The following PCDH10 variants were observed in gnomAD, a reference collection of about 807,000 sequenced individuals.
PCDH10 encodes protocadherin-10.
In PCDH10, 15 loss-of-function variants were observed where a neutral mutation model predicts 74.4. The ratio of observed to expected loss-of-function variants is 0.20; its 90% CI spans 0.13 to 0.31. The LOEUF is 0.31. PCDH10 is among the 10% of genes least tolerant of loss of function. PCDH10 has a pLI of 1.00. For synonymous variants in PCDH10, 619 were observed against 589.8 expected, an observed-to-expected ratio of 1.05 and a Z score of -0.72; for missense variants, 1,260 against 1,390.2, an observed-to-expected ratio of 0.91 and a Z score of 1.49.
rs1177769581 is a variant in PCDH10 at position 133,163,137 on chromosome 4, G to A, written c.2958G>A (p.Val986=). The A allele has an allele frequency of 2.5e-6, 4 of 1,614,038 alleles. No homozygotes were observed. The highest frequency in any genetic ancestry group is 1.3e-5 in the African/African-American group (1 of 74,914). ...TGGACTCTGTTCCAGACACTGAGGT[G>A]TTTGAAACTCCAGAAGCCCAGCCTG... ...PGMDSVPDTE[V]FETPEAQPGA... is the part of the protein sequence containing the mutation. The change falls in exon 4 of 5, where the codon GTG becomes GTA. Residue 986 remains valine (V), a synonymous_variant. Transcript: ENST00000264360.
chr4:133,176,940 T>C (rs1434817072), intron 4 of PCDH10, among the ~76,000 whole-genome samples: 2 of 152,072 alleles, frequency 1.3e-5, no homozygotes, highest in African/African-American at 4.8e-5. Flanking sequence ...TATTTGATAA[T>C]TGTAGAAAAA....
intron 1 of PCDH10, chr4:133,153,354 A>G: frequency 1.5e-6 from 1 of 665,184 alleles, no homozygotes; most frequent in Middle Eastern, 7.7e-4. Flanking sequence ...TCTGGACAGC[A>G]TTTACAGACG....
In PCDH10 at chr4:133,190,361, C is replaced by T; in HGVS notation, c.*201C>T. The T allele has an allele frequency of 1.6e-6, 1 of 606,358 alleles. No homozygotes were observed. Among genetic ancestry groups the T allele is most frequent in the Non-Finnish European group, 3.0e-6 (1 of 332,936 alleles). 37.6% of individuals were successfully genotyped at this position (606,358 alleles called of 1,614,324 possible). A position where few individuals can be genotyped will look rare whatever the true frequency, so the allele number is the denominator to read the frequency against. Reference sequence around the variant, plus strand: ...GAGAAATGAGTTGAAATGTGCAGAACTGTAGAAACTTTAGAGGCAACAGAT... The same window carrying T: ...GAGAAATGAGTTGAAATGTGCAGAATTGTAGAAACTTTAGAGGCAACAGAT... On this transcript the variant is annotated 3_prime_UTR_variant, in exon 5 of 5. Coordinates refer to ENST00000264360, the MANE Select transcript of PCDH10 (RefSeq NM_032961.3).
intron 4 of PCDH10, among the ~76,000 whole-genome samples, chr4:133,180,577 T>G (rs1727395971): frequency 6.6e-6 from 1 of 152,024 alleles, no homozygotes; most frequent in South Asian, 2.1e-4. Flanking sequence ...TTGTGATAGT[T>G]TAATGATAAA....
chr4:133,161,949 G>A (rs1309036166), intron 3 of PCDH10, among the ~76,000 whole-genome samples: 1 of 152,088 alleles, frequency 6.6e-6, no homozygotes, highest in Non-Finnish European at 1.5e-5. Flanking sequence ...TTTCTGTGTA[G>A]TGCTATATAT....
At chr4:133,168,272 A>G (rs1377774934) in intron 4 of PCDH10, among the ~76,000 whole-genome samples, 2 of 151,364 alleles carry the variant, frequency 1.3e-5, no homozygotes, top group Non-Finnish European at 3.0e-5. Context: ...TTATATATAA[A>G]TATCTGGTCA....
intron 2 of PCDH10, among the ~76,000 whole-genome samples, chr4:133,202,994 T>C (rs1281850294): frequency 6.6e-6 from 1 of 152,148 alleles, no homozygotes; most frequent in Non-Finnish European, 1.5e-5. Flanking sequence ...TGCCAGTCTG[T>C]TGAAGGAAAT....
At chr4:133,152,854 C>A (rs748677882) in intron 1 of PCDH10, 83 bp downstream of exon 1, 6 of 1,570,712 alleles carry the variant, frequency 3.8e-6, no homozygotes, top group Non-Finnish European at 5.2e-6. Flanking sequence ...ATCTCTGGTG[C>A]ACTGTATCTA....
chr4:133,151,127 A>G lies in PCDH10; in HGVS notation c.987A>G (p.Gln329=). 1 of 1,614,146 alleles carries G rather than the reference A, an allele frequency of 6.2e-7. No individual in the cohort carries two copies. The change falls in exon 1 of 5, where the codon CAA becomes CAG. Residue 329 remains glutamine, a synonymous_variant. Transcript: ENST00000264360. ...EESPVYQVYV[Q]AKDLGPNAVP... is the part of the protein sequence containing the mutation. Reference sequence around the variant, plus strand: ...GCCCAGTGTACCAAGTGTACGTGCAAGCCAAGGACCTGGGCCCCAACGCCG... The same window carrying G: ...GCCCAGTGTACCAAGTGTACGTGCAGGCCAAGGACCTGGGCCCCAACGCCG...
At chr4:133,155,333 A>G (rs1041499486) in intron 3 of PCDH10, among the ~76,000 whole-genome samples, 1 of 152,226 alleles carries the variant, frequency 6.6e-6, no homozygotes, top group Non-Finnish European at 1.5e-5. Flanking sequence ...CACTTGGTCC[A>G]GTTACCAGTC....
chr4:133,194,949 G>C (rs1230396851), downstream of PCDH10, among the ~76,000 whole-genome samples: 1 of 151,514 alleles, frequency 6.6e-6, no homozygotes, highest in Non-Finnish European at 1.5e-5. Context: ...TAATACCAAG[G>C]GTCCACAAAG....
chr4:133,172,183 A>G (rs947081179), intron 4 of PCDH10, among the ~76,000 whole-genome samples: 1 of 152,020 alleles, frequency 6.6e-6, no homozygotes, highest in African/African-American at 2.4e-5. Flanking sequence ...AGATGTTTCA[A>G]AGCAAATCCA....
chr4:133,152,948 C>T, intron 1 of PCDH10, 177 bp downstream of exon 1: 20 of 1,452,084 alleles, frequency 1.4e-5, no homozygotes, highest in Non-Finnish European at 1.8e-5. Context: ...TGTAACCTAA[C>T]TTTCGCGTTG....
rs907994348 is a variant in PCDH10, at chr4:133,194,643, C to A, written c.*4483C>A. 6.6e-6 allele frequency: 1 copy of A among 151,850 alleles called. No homozygotes were observed. The highest frequency in any genetic ancestry group is 2.4e-5 in the African/African-American group (1 of 41,396). 9.4% of individuals were successfully genotyped at this position (151,850 alleles called of 1,614,324 possible). ...TTTCCATGCATGGATCTTCCACTGACGCCTGTGGGAGCTTTGAATAAAAAT... is the reference window on the plus strand; with the variant it reads ...TTTCCATGCATGGATCTTCCACTGAAGCCTGTGGGAGCTTTGAATAAAAAT... On this transcript the variant is annotated 3_prime_UTR_variant, in exon 5 of 5. Coordinates refer to ENST00000264360, the MANE Select transcript of PCDH10 (RefSeq NM_032961.3).
intron 4 of PCDH10, among the ~76,000 whole-genome samples, chr4:133,178,711 C>T (rs1261486972): frequency 6.6e-6 from 1 of 151,694 alleles, no homozygotes; most frequent in South Asian, 2.1e-4. Flanking sequence ...TTCAAATTAT[C>T]CATGTGTTTT....
chr4:133,183,581 G>A (rs995753733), intron 4 of PCDH10, among the ~76,000 whole-genome samples: 2 of 152,110 alleles, frequency 1.3e-5, no homozygotes, highest in African/African-American at 4.8e-5. Flanking sequence ...AATAAGCACT[G>A]ATCAATACTA....
At chr4:133,184,037 A>G (rs1195167743) in intron 4 of PCDH10, among the ~76,000 whole-genome samples, 1 of 152,144 alleles carries the variant, frequency 6.6e-6, no homozygotes, top group Non-Finnish European at 1.5e-5. Flanking sequence ...CAATATACAC[A>G]TAAATTAAAA....
rs1264687694 is a variant in PCDH10, at chr4:133,192,855, A to G, written c.*2695A>G. On this transcript the variant is annotated 3_prime_UTR_variant, in exon 5 of 5. Transcript: ENST00000264360. ...AAATGGAAAGTGCAACCAACAAATA[A>G]TGAAGGTTTCTAATTAAGCATTTAC... 4 of 151,614 alleles carry G rather than the reference A, an allele frequency of 2.6e-5. No homozygotes were observed. The highest frequency in any genetic ancestry group is 5.9e-5 in the Non-Finnish European group (4 of 67,608). The allele number at this position is 151,614 out of a possible 1,614,324, so 9.4% of individuals were successfully genotyped here.
intron 3 of PCDH10, among the ~76,000 whole-genome samples, chr4:133,157,971 G>T (rs1236373541): frequency 2.6e-5 from 4 of 151,838 alleles, no homozygotes; most frequent in African/African-American, 9.7e-5. Flanking sequence ...GAAATTCTTC[G>T]CCTTGACCAC....
Sources: gnomAD v4.1 joint callset for allele counts (sites outside exome capture counted in the v4.1 genomes callset) on GRCh38, gnomAD v4.1.1 for gene constraint, MANE v1.5 for transcripts, NCBI Gene and HGNC (gene_info 2026-07-23, HGNC 2026-07-21) for gene names.